CLIP2: variants seen among roughly 807,000 people sequenced by gnomAD.
CLIP2 encodes the protein CAP-Gly domain-containing linker protein 2.
In CLIP2, 41 loss-of-function variants were observed where a neutral mutation model predicts 111.7. The ratio of observed to expected loss-of-function variants is 0.37; its 90% confidence interval spans 0.29 to 0.48. The LOEUF (loss-of-function observed/expected upper bound fraction) is 0.48. CLIP2 is among the 20% of genes least tolerant of loss of function. The probability of loss-of-function intolerance (pLI) is 0.99; values close to 1 mark genes in which losing one functional copy is unlikely to be tolerated. For missense variants in CLIP2, 1,160 were observed against 1,422.1 expected (o/e 0.82, Z 2.96); for synonymous variants, 660 against 644.2 (o/e 1.02, Z -0.37).
chr7:74,310,036 CAAAAAAAAAAAAAAAAAAAA>C (rs71094774), intron 1 of CLIP2, among the ~76,000 whole-genome samples: 37 of 92,480 alleles, frequency 4.0e-4, no homozygotes, highest in African/African-American at 7.4e-4. Flanking sequence ...CCTGTCTCTA[CAAAAAAAAAAAAAAAAAAAA>C]AAAAAAAAAA....
intron 2 of CLIP2, among the ~76,000 whole-genome samples, chr7:74,324,378 G>A (rs1789056134): frequency 6.6e-6 from 1 of 152,178 alleles, no homozygotes; most frequent in African/African-American, 2.4e-5. Flanking sequence ...GTGCTACTGT[G>A]ATATCACCTG....
intron 10 of CLIP2, among the ~76,000 whole-genome samples, chr7:74,379,191 C>T (rs753113610): frequency 2.0e-5 from 3 of 151,936 alleles, no homozygotes; most frequent in Admixed American, 6.6e-5. Flanking sequence ...TGGCCGGGCG[C>T]GGTGGCTCAC....
Position 74,315,872 on chromosome 7 carries a change from CT to C in CLIP2, c.-67-1592del, listed in dbSNP as rs202020183. Among the ~76,000 whole-genome samples, 396 of 142,768 alleles carry C rather than the reference CT, an allele frequency of 2.8e-3. 1 individual carries two copies. Among genetic ancestry groups the C allele is most frequent in the Middle Eastern group, 7.2e-3 (2 of 276 alleles). The allele number at this position is 142,768 out of a possible 152,430, so 93.7% of individuals were successfully genotyped here. ...CAGGCGTGAGCCACCTCTCCCAGCC[CT>C]TTTTTTTTTTTTTTTAAATTTTAAA... On this transcript the variant is annotated intron_variant, in intron 1 of 16. Transcript: ENST00000223398.
rs1791039258 is a variant in CLIP2 at position 74,384,725 on chromosome 7, C to T, written c.2480-1796C>T. 2.6e-5 allele frequency among the ~76,000 whole-genome samples: 4 copies of T among 152,020 alleles called. No individual in the cohort carries two copies. In the South Asian group the frequency reaches 6.2e-4, roughly 24 times the overall value. On this transcript the variant is annotated intron_variant, in intron 11 of 16. Transcript: ENST00000223398. ...CCTCCTGAAGTGCTGGGATAACAGG[C>T]GTGAGCCACCGCGCCTGGCCTCATA...
chr7:74,349,902 A>T (rs1554307189), intron 3 of CLIP2, among the ~76,000 whole-genome samples: 1 of 151,956 alleles, frequency 6.6e-6, no homozygotes, highest in Non-Finnish European at 1.5e-5. Flanking sequence ...GGCATGAGCC[A>T]CTGCACCCAG....
Position 74,369,214 on chromosome 7 carries a change from G to A in CLIP2, c.1381-3718G>A, listed in dbSNP as rs549299883. ...AAAAATACAAAAATTAGCTGGGCATGGTGGTGGGCACCAGTAATCCCAGCT... is the reference window on the plus strand; with the variant it reads ...AAAAATACAAAAATTAGCTGGGCATAGTGGTGGGCACCAGTAATCCCAGCT... On this transcript the variant is annotated intron_variant, in intron 8 of 16. Coordinates refer to ENST00000223398, the MANE Select transcript of CLIP2 (RefSeq NM_003388.5). Among the ~76,000 whole-genome samples, 36 of 152,012 alleles carry A rather than the reference G, an allele frequency of 2.4e-4. 1 individual carries two copies. The South Asian group carries it at 6.5e-3, about 27-fold the overall frequency.
intron 1 of CLIP2, among the ~76,000 whole-genome samples, chr7:74,299,316 C>T (rs1554726439): frequency 6.7e-6 from 1 of 148,882 alleles, no homozygotes; most frequent in African/African-American, 2.5e-5. Flanking sequence ...CACAGCAAGA[C>T]CCTGTCTAAA....
At chr7:74,386,059 T>TC (rs1791087474) in intron 11 of CLIP2, among the ~76,000 whole-genome samples, 1 of 147,816 alleles carries the variant, frequency 6.8e-6, no homozygotes, top group South Asian at 2.2e-4. Flanking sequence ...TTTTTTTTTT[T>TC]CTTTTTGAGA....
chr7:74,341,469 G>A (rs782084590), intron 3 of CLIP2, among the ~76,000 whole-genome samples: 16 of 152,042 alleles, frequency 1.1e-4, no homozygotes, highest in Admixed American at 7.9e-4. Flanking sequence ...GTGAGCCACC[G>A]TGCCCAGCCT....
chr7:74,315,650 A>C (rs1788750268), intron 1 of CLIP2, among the ~76,000 whole-genome samples: 1 of 151,264 alleles, frequency 6.6e-6, no homozygotes, highest in Non-Finnish European at 1.5e-5. Flanking sequence ...GGCTCACTGC[A>C]GCCTCCTCCT....
chr7:74,388,033 C>T (rs782661409), intron 12 of CLIP2, among the ~76,000 whole-genome samples: 1 of 151,960 alleles, frequency 6.6e-6, no homozygotes. Context: ...ATGAAACATA[C>T]AAAAATTTGG....
intron 1 of CLIP2, among the ~76,000 whole-genome samples, chr7:74,297,302 A>G (rs1788197555): frequency 6.6e-6 from 1 of 151,976 alleles, no homozygotes; most frequent in Non-Finnish European, 1.5e-5. Flanking sequence ...GCAAGGGCCC[A>G]TGTCTACAAA....
intron 1 of CLIP2, among the ~76,000 whole-genome samples, chr7:74,298,877 C>T (rs1187866463): frequency 2.0e-5 from 3 of 152,002 alleles, no homozygotes; most frequent in South Asian, 2.1e-4. Flanking sequence ...AAAAAAGTTG[C>T]GCCCAGTGAG....
At chr7:74,326,872 G>A (rs1032785154) in intron 2 of CLIP2, among the ~76,000 whole-genome samples, 8 of 150,930 alleles carry the variant, frequency 5.3e-5, no homozygotes, top group East Asian at 2.0e-4. Flanking sequence ...TCCTGACCTC[G>A]TGATCCGCCT....
At chr7:74,328,934 A>G (rs1277485361) in intron 2 of CLIP2, among the ~76,000 whole-genome samples, 1 of 150,008 alleles carries the variant, frequency 6.7e-6, no homozygotes, top group Non-Finnish European at 1.5e-5. Context: ...TATTTTTGAG[A>G]CAGAGTCTCA....
intron 2 of CLIP2, among the ~76,000 whole-genome samples, chr7:74,332,662 C>T (rs1231423151): frequency 6.6e-6 from 1 of 152,078 alleles, no homozygotes; most frequent in Non-Finnish European, 1.5e-5. Context: ...GGAGCCAGCT[C>T]TGTAACTTTC....
intron 8 of CLIP2, among the ~76,000 whole-genome samples, chr7:74,372,699 G>A (rs1444046800): frequency 3.1e-5 from 4 of 128,856 alleles, no homozygotes; most frequent in African/African-American, 6.1e-5. Context: ...TGACCCAGCC[G>A]GGACACAGCA....
rs1584325911 is a variant in CLIP2, at chr7:74,323,984, T to C, written c.121+6317T>C. ...CCAGTCTTTTTTCCTATTACACAAG[T>C]TGTGGTTTTATTTATTATTTATTTT... On this transcript the variant is annotated intron_variant, in intron 2 of 16. Coordinates refer to ENST00000223398, the MANE Select transcript of CLIP2 (RefSeq NM_003388.5). Among the ~76,000 whole-genome samples, 3 of 152,114 alleles carry C rather than the reference T, an allele frequency of 2.0e-5. No homozygotes were observed. The East Asian group carries it at 5.8e-4, about 29-fold the overall frequency.
At chr7:74,373,152 TTTTA>T in intron 9 of CLIP2, 116 bp downstream of exon 9, 1 of 637,410 alleles carries the variant, frequency 1.6e-6, no homozygotes, top group South Asian at 2.0e-5. Context: ...TCTTTTTTAT[TTTTA>T]TTTTTTATTT....
Sources: gnomAD v4.1 joint callset for allele counts (sites outside exome capture counted in the v4.1 genomes callset) on GRCh38, gnomAD v4.1.1 for gene constraint, MANE v1.5 for transcripts, NCBI Gene and HGNC (gene_info 2026-07-23, HGNC 2026-07-21) for gene names.